The following SLC44A1 variants were observed in gnomAD, a reference collection of about 807,000 sequenced individuals.
SLC44A1 encodes the protein solute carrier family 44 member 1, also known as choline transporter-like protein 1.
A neutral mutation model predicts 79.3 loss-of-function variants in SLC44A1; 26 were observed. The observed-to-expected ratio is 0.33, with a 90% CI of 0.24 to 0.46. The LOEUF (loss-of-function observed/expected upper bound fraction) is 0.46. Ranked by LOEUF, SLC44A1 falls within the 20% of genes least tolerant of loss-of-function variation. The pLI is 1.00. For synonymous variants in SLC44A1, 263 were observed against 286.2 expected, an observed-to-expected ratio of 0.92 and a Z score of 0.82; for missense variants, 688 against 798.1, an observed-to-expected ratio of 0.86 and a Z score of 1.66.
At position 105,389,013 on chromosome 9, in the gene SLC44A1, T is replaced by G; in HGVS notation, c.1951-20T>G. The G allele has an allele frequency of 6.3e-7, 1 of 1,598,260 alleles. No homozygotes were observed. The highest frequency in any genetic ancestry group is 1.1e-5 in the South Asian group (1 of 90,676). ...ATGGTAATTGTCTAAGATTATACTC[T>G]GTATGACTTTGTTTTCTAGGCTTCG... On this transcript the variant is annotated intron_variant, in intron 15 of 15. Transcript: ENST00000374720.
Position 105,257,288 on chromosome 9 carries a change from G to C in SLC44A1, c.36+12384G>C, listed in dbSNP as rs150115168. Reference sequence around the variant, plus strand: ...ATTTTGTATTTCTGGTAGAGATGGGGTTTCACCATGTTGATCAGGCTGGTC... The same window carrying C: ...ATTTTGTATTTCTGGTAGAGATGGGCTTTCACCATGTTGATCAGGCTGGTC... On this transcript the variant is annotated intron_variant, in intron 1 of 15. Transcript: ENST00000374720. Among the ~76,000 whole-genome samples, 210 of 148,520 alleles carry C rather than the reference G, an allele frequency of 1.4e-3. 3 individuals carry two copies. The East Asian group carries it at 0.033, about 24-fold the overall frequency.
chr9:105,289,397 A>T (rs551502111), intron 1 of SLC44A1, among the ~76,000 whole-genome samples: 3 of 152,260 alleles, frequency 2.0e-5, no homozygotes, highest in African/African-American at 7.2e-5. Context: ...TCTATAAACA[A>T]TGTTAATCCC....
chr9:105,244,743 G>A lies in SLC44A1; in HGVS notation c.-126G>A, dbSNP rs1439903641. The A allele has an allele frequency of 1.6e-5, 7 of 431,560 alleles. No homozygotes were observed. Among genetic ancestry groups the A allele is most frequent in the African/African-American group, 2.1e-5 (1 of 47,202 alleles). 26.7% of individuals were successfully genotyped at this position (431,560 alleles called of 1,614,324 possible). On this transcript the variant is annotated 5_prime_UTR_variant, in exon 1 of 16. Transcript: ENST00000374720. ...TTGAGTACCAGCCGCCGCTGCAGCCGCCGCCGCCGCCTAGCCGTGCGGTGC... is the reference window on the plus strand; with the variant it reads ...TTGAGTACCAGCCGCCGCTGCAGCCACCGCCGCCGCCTAGCCGTGCGGTGC...
chr9:105,351,530 CT>C lies in SLC44A1; in HGVS notation c.500+3080del, dbSNP rs112096654. The stretch of plus-strand genomic sequence containing the variant: ...CCTGGGCAACAGAGCAAGACCCTGT[CT>C]GAAAGAAAGAAAGAAAGAAAGAAAG... On this transcript the variant is annotated intron_variant, in intron 5 of 15. Transcript: ENST00000374720. Among the ~76,000 whole-genome samples, 73 of 63,870 alleles carry C rather than the reference CT, an allele frequency of 1.1e-3. 1 individual carries two copies. The highest frequency in any genetic ancestry group is 1.5e-3 in the Non-Finnish European group (39 of 25,316). 41.9% of individuals were successfully genotyped at this position (63,870 alleles called of 152,430 possible). A position where few individuals can be genotyped will look rare whatever the true frequency, so the allele number is the denominator to read the frequency against.
intron 4 of SLC44A1, among the ~76,000 whole-genome samples, chr9:105,338,084 T>C (rs769162750): frequency 2.0e-5 from 3 of 152,110 alleles, no homozygotes; most frequent in Non-Finnish European, 4.4e-5. Flanking sequence ...AGTAAGTCAA[T>C]AAGGTAGCCA....
chr9:105,394,339 A>T lies in SLC44A1; in HGVS notation c.*5283A>T. On this transcript the variant is annotated 3_prime_UTR_variant, in exon 16 of 16. Coordinates refer to ENST00000374720, the MANE Select transcript of SLC44A1 (RefSeq NM_080546.5). ...AGGTTAGGGAATAGAAACCACACTA[A>T]TCTGAAGGAATAACAAGATGATCAA... 1 of 985,262 alleles carries T rather than the reference A, an allele frequency of 1.0e-6. No individual in the cohort carries two copies. The allele number at this position is 985,262 out of a possible 1,614,324, so 61.0% of individuals were successfully genotyped here. A position where few individuals can be genotyped will look rare whatever the true frequency, so the allele number is the denominator to read the frequency against.
intron 1 of SLC44A1, among the ~76,000 whole-genome samples, chr9:105,284,552 C>G (rs1274772474): frequency 6.6e-6 from 1 of 152,050 alleles, no homozygotes; most frequent in Non-Finnish European, 1.5e-5. Flanking sequence ...AAGTCAGCAC[C>G]TTATCTAGTA....
intron 3 of SLC44A1, among the ~76,000 whole-genome samples, chr9:105,329,579 A>G (rs1444099594): frequency 6.6e-6 from 1 of 152,116 alleles, no homozygotes; most frequent in African/African-American, 2.4e-5. Context: ...GGCTGGCCAT[A>G]CCAGGGTATC....
At chr9:105,382,429 C>T (rs941632213) in intron 13 of SLC44A1, among the ~76,000 whole-genome samples, 1 of 152,148 alleles carries the variant, frequency 6.6e-6, no homozygotes, top group African/African-American at 2.4e-5. Context: ...TCTTTCTTCA[C>T]AGAGAGTCCA....
intron 3 of SLC44A1, among the ~76,000 whole-genome samples, chr9:105,317,332 G>T (rs1831354875): frequency 6.6e-6 from 1 of 152,084 alleles, no homozygotes; most frequent in South Asian, 2.1e-4. Context: ...GGTAATTTTA[G>T]GCAGAGTTTT....
chr9:105,261,761 G>A (rs958001782), intron 1 of SLC44A1, among the ~76,000 whole-genome samples: 2 of 145,094 alleles, frequency 1.4e-5, no homozygotes, highest in African/African-American at 5.1e-5. Context: ...CTGAATCTGT[G>A]TTTCTCTCTC....
intron 12 of SLC44A1, among the ~76,000 whole-genome samples, chr9:105,367,669 T>A (rs1827981399): frequency 6.6e-6 from 1 of 152,114 alleles, no homozygotes; most frequent in East Asian, 1.9e-4. Flanking sequence ...CACCTTTTGC[T>A]TTTGCAGTTT....
intron 1 of SLC44A1, among the ~76,000 whole-genome samples, chr9:105,282,319 T>G (rs1052205360): frequency 1.3e-5 from 2 of 152,140 alleles, no homozygotes; most frequent in Non-Finnish European, 2.9e-5. Flanking sequence ...TCCCCCTCAC[T>G]TATTTGAGTG....
intron 1 of SLC44A1, among the ~76,000 whole-genome samples, chr9:105,283,983 C>T (rs1050900130): frequency 6.6e-6 from 1 of 152,126 alleles, no homozygotes; most frequent in African/African-American, 2.4e-5. Flanking sequence ...AGCCTCAGTT[C>T]AGTAGCCTGA....
chr9:105,359,333 G>A (rs1827714529), intron 7 of SLC44A1, among the ~76,000 whole-genome samples: 1 of 151,970 alleles, frequency 6.6e-6, no homozygotes, highest in Admixed American at 6.6e-5. Context: ...GTTAGAAGAT[G>A]ACAGCAGAAG....
chr9:105,246,355 T>C (rs1829447607), intron 1 of SLC44A1, among the ~76,000 whole-genome samples: 1 of 151,482 alleles, frequency 6.6e-6, no homozygotes, highest in African/African-American at 2.4e-5. Context: ...ATCCATCCTA[T>C]CATCCTATTC....
chr9:105,274,251 A>G (rs143293743), intron 1 of SLC44A1, among the ~76,000 whole-genome samples: 5 of 152,304 alleles, frequency 3.3e-5, no homozygotes, highest in Non-Finnish European at 5.9e-5. Flanking sequence ...ATTTTGCAAT[A>G]TATCTTTTCT....
chr9:105,408,085 C>T (rs1474022935), intron 15 of SLC44A1, among the ~76,000 whole-genome samples: 7 of 149,840 alleles, frequency 4.7e-5, no homozygotes, highest in South Asian at 2.1e-4. Flanking sequence ...ACCTGGGAGG[C>T]GGAGGCTGCT....
intron 1 of SLC44A1, among the ~76,000 whole-genome samples, chr9:105,278,029 A>G (rs1830251021): frequency 6.6e-6 from 1 of 151,528 alleles, no homozygotes; most frequent in Non-Finnish European, 1.5e-5. Context: ...TTCTTAATCC[A>G]TTGTTTCAAT....
Sources: gnomAD v4.1 joint callset for allele counts (sites outside exome capture counted in the v4.1 genomes callset) on GRCh38, gnomAD v4.1.1 for gene constraint, MANE v1.5 for transcripts, NCBI Gene and HGNC (gene_info 2026-07-23, HGNC 2026-07-21) for gene names.